Variants in THSD7A observed in about 807,000 individuals in gnomAD.
THSD7A encodes thrombospondin type 1 domain containing 7A, also known as thrombospondin type-1 domain-containing protein 7A.
A neutral mutation model predicts 231.3 loss-of-function variants in THSD7A; 96 were observed. The observed-to-expected ratio is 0.41, with a 90% CI of 0.35 to 0.49. The LOEUF (loss-of-function observed/expected upper bound fraction) is 0.49. Ranked by LOEUF, THSD7A falls within the 20% of genes least tolerant of loss-of-function variation. THSD7A has a pLI of 0.05. For missense variants in THSD7A, 2,290 were observed against 2,070.2 expected, an observed-to-expected ratio of 1.11 and a Z score of -2.06; for synonymous variants, 940 against 743.3, an observed-to-expected ratio of 1.26 and a Z score of -4.30.
At chr7:11,763,916 T>C (rs538408979) in intron 1 of THSD7A, among the ~76,000 whole-genome samples, 1 of 152,288 alleles carries the variant, frequency 6.6e-6, no homozygotes, top group South Asian at 2.1e-4. Flanking sequence ...AAGACTATGA[T>C]TAGTATTAAA....
At position 11,594,599 on chromosome 7, in the gene THSD7A, C is replaced by T. The variant is rs533905585; in HGVS notation, c.1023-1097G>A. ...GAGACTCTATATATAACACCTTTGA[C>T]CATATATGGAGAACCAAGAAACATA... On this transcript the variant is annotated intron_variant, in intron 2 of 27. Coordinates refer to ENST00000423059, the MANE Select transcript of THSD7A (RefSeq NM_015204.3). 7.9e-5 allele frequency among the ~76,000 whole-genome samples: 12 copies of T among 152,152 alleles called. No individual in the cohort carries two copies. In the South Asian group the frequency reaches 2.1e-3, roughly 26 times the overall value.
intron 1 of THSD7A, among the ~76,000 whole-genome samples, chr7:11,664,819 T>C (rs1317124852): frequency 1.3e-5 from 2 of 152,008 alleles, no homozygotes; most frequent in East Asian, 1.9e-4. Context: ...ACACCATCCA[T>C]GGATAACCTT....
At chr7:11,430,601 G>A (rs1000306555) in intron 13 of THSD7A, among the ~76,000 whole-genome samples, 1 of 151,916 alleles carries the variant, frequency 6.6e-6, no homozygotes, top group Admixed American at 6.6e-5. Flanking sequence ...GCTGAGCTGG[G>A]ACTAAGGGTG....
intron 1 of THSD7A, among the ~76,000 whole-genome samples, chr7:11,723,317 G>A (rs1270663319): frequency 7.2e-6 from 1 of 139,600 alleles, no homozygotes; most frequent in Non-Finnish European, 1.5e-5. Flanking sequence ...ACACACTGGG[G>A]CCTGTTGTGG....
At chr7:11,792,058 A>G (rs535509872) in intron 1 of THSD7A, among the ~76,000 whole-genome samples, 42 of 151,890 alleles carry the variant, frequency 2.8e-4, no homozygotes, top group Non-Finnish European at 5.3e-4. Context: ...ATTTCCCACT[A>G]TGAATGCAGT....
chr7:11,772,569 T>A (rs763125249), intron 1 of THSD7A, among the ~76,000 whole-genome samples: 23 of 152,166 alleles, frequency 1.5e-4, no homozygotes, highest in Non-Finnish European at 3.4e-4. Context: ...GTCCTTTACA[T>A]GGATGCAGCT....
At chr7:11,485,544 T>C (rs1786620831) in intron 6 of THSD7A, among the ~76,000 whole-genome samples, 2 of 152,226 alleles carry the variant, frequency 1.3e-5, no homozygotes, top group Admixed American at 6.5e-5. Flanking sequence ...TCAGTATTAC[T>C]ATCTATTTTT....
At chr7:11,639,625 A>G (rs940996856) in intron 1 of THSD7A, among the ~76,000 whole-genome samples, 5 of 151,984 alleles carry the variant, frequency 3.3e-5, no homozygotes, top group East Asian at 1.9e-4. Context: ...CCGAGATGGC[A>G]CCACTGCACT....
intron 1 of THSD7A, among the ~76,000 whole-genome samples, chr7:11,679,807 G>C (rs1783793850): frequency 6.6e-6 from 1 of 151,990 alleles, no homozygotes; most frequent in Non-Finnish European, 1.5e-5. Context: ...TCCTGATCAA[G>C]TTACCACTGC....
rs959747037 is a variant in THSD7A, at chr7:11,634,617, A to G, written c.1022+1513T>C. On this transcript the variant is annotated intron_variant, in intron 2 of 27. Transcript: ENST00000423059. This position sits in a 1 kb window ranked among gnomAD's most constrained non-coding sequence, Gnocchi z 4.1. The stretch of plus-strand genomic sequence containing the variant: ...TACACACACACACACACACATACAC[A>G]CACACACATTTAAGGAGTTGTAGGA... Among the ~76,000 whole-genome samples, 6 of 152,108 alleles carry G rather than the reference A, an allele frequency of 3.9e-5. No individual in the cohort carries two copies. The highest frequency in any genetic ancestry group is 6.5e-5 in the Admixed American group (1 of 15,276).
intron 4 of THSD7A, among the ~76,000 whole-genome samples, chr7:11,558,636 T>C (rs1789947554): frequency 6.6e-6 from 1 of 152,250 alleles, no homozygotes; most frequent in Non-Finnish European, 1.5e-5. Context: ...CTAAAGAACT[T>C]ATGTCTCATA....
At chr7:11,753,482 G>C (rs541175279) in intron 1 of THSD7A, among the ~76,000 whole-genome samples, 9 of 151,730 alleles carry the variant, frequency 5.9e-5, no homozygotes, top group African/African-American at 2.2e-4. Flanking sequence ...TTAAACTTAG[G>C]GGGTGGAAAG....
In THSD7A at chr7:11,406,624, G is replaced by T. The variant is rs1783591755; in HGVS notation, c.4063-150C>A. The T allele has an allele frequency of 3.4e-6, 3 of 885,714 alleles. No homozygotes were observed. Among genetic ancestry groups the T allele is most frequent in the East Asian group, 2.7e-5 (1 of 37,150 alleles). The allele number at this position is 885,714 out of a possible 1,614,324, so 54.9% of individuals were successfully genotyped here. A position where few individuals can be genotyped will look rare whatever the true frequency, so the allele number is the denominator to read the frequency against. ...AGGGAAGAAGCCCTATAGGGCACTA[G>T]CAATAAAGCATACATTGAACAATTT... On this transcript the variant is annotated intron_variant, in intron 21 of 27. Transcript: ENST00000423059. The surrounding 1 kb of genome is among the most constrained non-coding windows in gnomAD (Gnocchi z 4.7).
intron 1 of THSD7A, among the ~76,000 whole-genome samples, chr7:11,790,706 G>A (rs544774627): frequency 6.6e-6 from 1 of 151,906 alleles, no homozygotes; most frequent in East Asian, 1.9e-4. Context: ...GAAATTTTTA[G>A]ACTCAGTTAT....
At chr7:11,548,371 C>A (rs946579062) in intron 4 of THSD7A, among the ~76,000 whole-genome samples, 90 of 151,936 alleles carry the variant, frequency 5.9e-4, no homozygotes, top group African/African-American at 2.1e-3. Flanking sequence ...AATAAAAAAC[C>A]CTTACCAACC....
chr7:11,779,268 A>G (rs1783546184), intron 1 of THSD7A, among the ~76,000 whole-genome samples: 1 of 152,102 alleles, frequency 6.6e-6, no homozygotes, highest in Non-Finnish European at 1.5e-5. Flanking sequence ...CACTTTGTTC[A>G]ATGTTAATAT....
intron 1 of THSD7A, among the ~76,000 whole-genome samples, chr7:11,725,789 C>G (rs1463728925): frequency 6.6e-6 from 1 of 151,804 alleles, no homozygotes; most frequent in Non-Finnish European, 1.5e-5. Flanking sequence ...TTTCCCTGAA[C>G]CAAACTGTAG....
intron 1 of THSD7A, among the ~76,000 whole-genome samples, chr7:11,643,878 T>C (rs1275426973): frequency 6.6e-6 from 1 of 152,010 alleles, no homozygotes; most frequent in Non-Finnish European, 1.5e-5. Flanking sequence ...TTTTGATACA[T>C]GTAGTATTGC....
chr7:11,603,236 T>C (rs1780612074), intron 2 of THSD7A, among the ~76,000 whole-genome samples: 1 of 151,820 alleles, frequency 6.6e-6, no homozygotes, highest in South Asian at 2.1e-4. Context: ...CAGACACTTC[T>C]CAAAAGAAGA....
Sources: gnomAD v4.1 joint callset for allele counts (sites outside exome capture counted in the v4.1 genomes callset) on GRCh38, gnomAD v4.1.1 for gene constraint, Gnocchi (gnomAD v3.1) non-coding constraint, MANE v1.5 for transcripts, NCBI Gene and HGNC (gene_info 2026-07-23, HGNC 2026-07-21) for gene names.